UGT2B15: variants seen among roughly 807,000 people sequenced by gnomAD.
UGT2B15 encodes the protein UDP-glucuronosyltransferase 2B15.
UGT2B15 carries 36 observed loss-of-function variants against 45.9 expected under a neutral mutation model. That is an observed-to-expected ratio of 0.78 (90% CI 0.60 to 1.04). The LOEUF is 1.04. Among genes scored for constraint, UGT2B15 ranks in the 50% least tolerant of loss-of-function variants. UGT2B15 has a pLI of 0.00. For synonymous variants in UGT2B15, 219 were observed against 216.4 expected (o/e 1.01, Z -0.11); for missense variants, 617 against 622.4 (o/e 0.99, Z 0.09).
intron 2 of UGT2B15, among the ~76,000 whole-genome samples, chr4:68,666,505 C>A (rs911748853): frequency 2.0e-5 from 3 of 151,872 alleles, no homozygotes; most frequent in Non-Finnish European, 4.4e-5. Context: ...TTTTTCCACA[C>A]AGCACAATAT....
intron 3 of UGT2B15, among the ~76,000 whole-genome samples, chr4:68,658,653 C>A (rs1011524732): frequency 6.6e-6 from 1 of 152,008 alleles, no homozygotes; most frequent in Non-Finnish European, 1.5e-5. Context: ...TAACTTCTAA[C>A]CCTGTGGCCT....
In UGT2B15 at chr4:68,667,668, T is replaced by A. The variant is rs550637196; in HGVS notation, c.873+372A>T. Among the ~76,000 whole-genome samples the A allele has an allele frequency of 1.2e-3, 190 of 152,306 alleles. No homozygotes were observed. In the South Asian group the frequency reaches 0.017, roughly 14 times the overall value. On this transcript the variant is annotated intron_variant, in intron 2 of 5. Transcript: ENST00000338206. Reference sequence around the variant, plus strand: ...TTTTATTCTATCTTTCAAAGTACAATGTAAGGCATGAGGGAGCAGAAACTG... The same window carrying A: ...TTTTATTCTATCTTTCAAAGTACAAAGTAAGGCATGAGGGAGCAGAAACTG...
chr4:68,656,289 A>G (rs1032062409), intron 3 of UGT2B15, among the ~76,000 whole-genome samples: 4 of 152,016 alleles, frequency 2.6e-5, no homozygotes, highest in Non-Finnish European at 5.9e-5. Flanking sequence ...ACCCATCCGT[A>G]GGTAAACAGC....
At chr4:68,655,234 A>C (rs1732771126) in intron 3 of UGT2B15, 52 bp from the exon 4 acceptor site, 2 of 1,580,746 alleles carry the variant, frequency 1.3e-6, no homozygotes, top group Non-Finnish European at 1.7e-6. Flanking sequence ...CTAAAAACAT[A>C]GCATGTTAGA....
chr4:68,668,031 T>G lies in UGT2B15; in HGVS notation c.873+9A>C, dbSNP rs1993282. 1.9e-6 allele frequency: 3 copies of G among 1,613,334 alleles called. No homozygotes were observed. The highest frequency in any genetic ancestry group is 4.5e-5 in the East Asian group (2 of 44,854). ...GTCAAGCAAACAAATGAAACAAGAATACATTTACCTTAGGCAGGGGTTTGG... is the reference window on the plus strand; with the variant it reads ...GTCAAGCAAACAAATGAAACAAGAAGACATTTACCTTAGGCAGGGGTTTGG... On this transcript the variant is annotated intron_variant, in intron 2 of 5. Transcript: ENST00000338206.
rs751122444 is a variant in UGT2B15 at position 68,670,580 on chromosome 4, C to G, written c.39G>C (p.Gln13His). The change falls in exon 1 of 6, where the codon CAG becomes CAC. Residue 13 changes from glutamine (Q) to histidine (H), a missense_variant. Physicochemically the swap from Gln to His is conservative, Grantham distance 24. Around this residue, in one of 3 missense-constraint regions of UGT2B15, gnomAD observed 351 missense variants for 342.1 expected, o/e 1.03. Transcript: ENST00000338206. ...TTCCAGAGCTAAAGTAACAACTGAG[C>G]TGTATCAGCAGAAAGACTGACGTCC... ...LKWTSVFLLI[Q>H]LSCYFSSGSC... The G allele has an allele frequency of 1.3e-6, 2 of 1,592,852 alleles. No homozygotes were observed. Among genetic ancestry groups the G allele is most frequent in the South Asian group, 2.3e-5 (2 of 86,570 alleles).
At chr4:68,649,058 T>C (rs1400417030) in intron 5 of UGT2B15, among the ~76,000 whole-genome samples, 1 of 151,920 alleles carries the variant, frequency 6.6e-6, no homozygotes, top group Non-Finnish European at 1.5e-5. Flanking sequence ...GAAAGGCACA[T>C]TTATAATTAG....
chr4:68,657,315 G>T (rs1156302473), intron 3 of UGT2B15, among the ~76,000 whole-genome samples: 1 of 152,122 alleles, frequency 6.6e-6, no homozygotes, highest in Non-Finnish European at 1.5e-5. Context: ...AAAAAGGCTA[G>T]TCCAGGAAAC....
intron 2 of UGT2B15, among the ~76,000 whole-genome samples, chr4:68,664,386 C>T (rs1320331332): frequency 6.6e-6 from 1 of 151,710 alleles, no homozygotes; most frequent in Non-Finnish European, 1.5e-5. Context: ...GTTCAAAATT[C>T]TCTTTTTCTC....
In UGT2B15 at chr4:68,656,373, A is replaced by G. The variant is rs140856261; in HGVS notation, c.1006-1191T>C. Among the ~76,000 whole-genome samples, 694 of 143,816 alleles carry G rather than the reference A, an allele frequency of 4.8e-3. 9 individuals are homozygous for G. The highest frequency in any genetic ancestry group is 0.017 in the African/African-American group (663 of 39,638). 94.3% of individuals were successfully genotyped at this position (143,816 alleles called of 152,430 possible). On this transcript the variant is annotated intron_variant, in intron 3 of 5. Transcript: ENST00000338206. ...ATTTCTCCTTACCATTACAGTGCTT[A>G]GTGATCACATTTCTGGGATTTTTTT...
chr4:68,663,930 G>C (rs1733041150), intron 2 of UGT2B15, among the ~76,000 whole-genome samples: 1 of 151,952 alleles, frequency 6.6e-6, no homozygotes, highest in Admixed American at 6.6e-5. Flanking sequence ...TTATTTCTCA[G>C]GTCATTGCTT....
At chr4:68,653,918 A>T (rs563626762) in intron 5 of UGT2B15, 119 bp downstream of exon 5, 2 of 1,304,702 alleles carry the variant, frequency 1.5e-6, no homozygotes. Flanking sequence ...CAGATTTTAC[A>T]TTGGTTAAAT....
At chr4:68,653,278 A>G (rs1398723604) in intron 5 of UGT2B15, among the ~76,000 whole-genome samples, 1 of 152,074 alleles carries the variant, frequency 6.6e-6, no homozygotes, top group Non-Finnish European at 1.5e-5. Context: ...ATTTTGGTAT[A>G]AACATATCAA....
At chr4:68,660,846 C>T (rs1732943242) in intron 3 of UGT2B15, among the ~76,000 whole-genome samples, 2 of 151,682 alleles carry the variant, frequency 1.3e-5, no homozygotes, top group South Asian at 4.1e-4. Context: ...ACAACTTAAA[C>T]TCCAGAAGAA....
chr4:68,647,531 T>C lies in UGT2B15; in HGVS notation c.1314-148A>G, dbSNP rs1732518285. On this transcript the variant is annotated intron_variant, in intron 5 of 5. Coordinates refer to ENST00000338206, the MANE Select transcript of UGT2B15 (RefSeq NM_001076.4). ...CATGAAATTTCAATGTTTTAATTCA[T>C]GTCATTACAGAAAGTTTGGTTTTTA... The C allele has an allele frequency of 5.6e-6, 6 of 1,067,450 alleles. No individual in the cohort carries two copies. In the South Asian group the frequency reaches 1.3e-4, roughly 23 times the overall value. 66.1% of individuals were successfully genotyped at this position (1,067,450 alleles called of 1,614,324 possible).
At position 68,667,975 on chromosome 4, in the gene UGT2B15, A is replaced by G; in HGVS notation, c.873+65T>C. On this transcript the variant is annotated intron_variant, in intron 2 of 5. Coordinates refer to ENST00000338206, the MANE Select transcript of UGT2B15 (RefSeq NM_001076.4). ...CTCACTCTGAGTTAAACACTCTGAA[A>G]GAAACATATCCAGCCATTCCTTCTG... 8 of 1,583,710 alleles carry G rather than the reference A, an allele frequency of 5.1e-6. No individual in the cohort carries two copies. In the Admixed American group the frequency reaches 9.9e-5, roughly 20 times the overall value.
Position 68,670,124 on chromosome 4 carries a change from A to C in UGT2B15, c.495T>G (p.Phe165Leu), listed in dbSNP as rs746304550. ...NPCGELLAEL[F>L]NIPFLYSLRF... The stretch of plus-strand genomic sequence containing the variant: ...GAAGACTGTACAGAAAGGGTATGTT[A>C]AATAGTTCAGCCAGTAGCTCACCAC... The change falls in exon 1 of 6, where the codon TTT becomes TTG. Residue 165 changes from phenylalanine to leucine, a missense_variant. Transcript: ENST00000338206. The C allele has an allele frequency of 9.3e-6, 15 of 1,614,096 alleles. 1 individual carries two copies. The Admixed American group carries it at 2.3e-4, about 25-fold the overall frequency.
chr4:68,661,681 T>C (rs1732971971), intron 3 of UGT2B15, among the ~76,000 whole-genome samples: 1 of 152,116 alleles, frequency 6.6e-6, no homozygotes, highest in Non-Finnish European at 1.5e-5. Flanking sequence ...ATGTAGTATG[T>C]GTAATTTCTT....
intron 5 of UGT2B15, among the ~76,000 whole-genome samples, chr4:68,653,659 T>C (rs1386190385): frequency 6.6e-6 from 1 of 151,998 alleles, no homozygotes; most frequent in Non-Finnish European, 1.5e-5. Flanking sequence ...ATAATGATAA[T>C]AAAAATAAAT....
Sources: allele counts gnomAD v4.1 joint callset (sites outside exome capture counted in the v4.1 genomes callset), GRCh38; gene constraint gnomAD v4.1.1; regional missense constraint gnomAD v4.1.1; transcripts MANE v1.5; gene names NCBI Gene and HGNC (gene_info 2026-07-23, HGNC 2026-07-21).